Variants in ASB3 observed in about 807,000 individuals in gnomAD.
The protein encoded by ASB3 is ankyrin repeat and SOCS box containing 3, also known as ankyrin repeat and SOCS box protein 3.
A neutral mutation model predicts 54.5 loss-of-function variants in ASB3; 41 were observed. The ratio of observed to expected loss-of-function variants is 0.75; its 90% CI spans 0.59 to 0.98. The LOEUF is 0.98. Ranked by LOEUF, ASB3 falls within the 50% of genes least tolerant of loss-of-function variation. The pLI, the probability that ASB3 is intolerant of heterozygous loss-of-function variation, is 0.00. For synonymous variants in ASB3, 266 were observed against 221.2 expected, an observed-to-expected ratio of 1.20 and a Z score of -1.80; for missense variants, 733 against 620.0, an observed-to-expected ratio of 1.18 and a Z score of -1.94.
chr2:53,733,226 T>C (rs1671418400), intron 3 of ASB3, among the ~76,000 whole-genome samples: 1 of 152,176 alleles, frequency 6.6e-6, no homozygotes, highest in Non-Finnish European at 1.5e-5. Flanking sequence ...TATCTAGATG[T>C]AGAGAGAATG....
At chr2:53,693,060 A>G (rs768149354) in intron 9 of ASB3, among the ~76,000 whole-genome samples, 62 of 152,220 alleles carry the variant, frequency 4.1e-4, no homozygotes, top group Non-Finnish European at 7.5e-4. Context: ...CTACATATGA[A>G]TAAGTTCACT....
intron 1 of ASB3, among the ~76,000 whole-genome samples, chr2:53,766,363 C>A (rs191334940): frequency 1.2e-4 from 19 of 152,312 alleles, no homozygotes; most frequent in Admixed American, 9.2e-4. Flanking sequence ...GACACAATTT[C>A]TTGTTAGTGA....
intron 4 of ASB3, 43 bp downstream of exon 4, chr2:53,729,413 AAC>A (rs756430338): frequency 6.2e-7 from 1 of 1,602,108 alleles, no homozygotes; most frequent in South Asian, 1.1e-5. Context: ...AAGAGGGTAA[AAC>A]ACACAATTTA....
chr2:53,703,060 A>G lies in ASB3; in HGVS notation c.981-2532T>C, dbSNP rs534869377. 5.9e-5 allele frequency among the ~76,000 whole-genome samples: 9 copies of G among 152,360 alleles called. No individual in the cohort carries two copies. In the South Asian group the frequency reaches 1.9e-3, roughly 32 times the overall value. ...AATAACAATGATTAGTATCAACTAG[A>G]AAAACAGACAAAACCAGGTGAGCTA... On this transcript the variant is annotated intron_variant, in intron 7 of 9. Transcript: ENST00000263634.
intron 2 of ASB3, among the ~76,000 whole-genome samples, chr2:53,762,950 A>T (rs577627698): frequency 2.6e-5 from 4 of 152,074 alleles, no homozygotes; most frequent in African/African-American, 7.2e-5. Flanking sequence ...GTGAAGCAAA[A>T]CTCTTCTAAT....
chr2:53,686,677 C>T (rs1282939391), intron 9 of ASB3, among the ~76,000 whole-genome samples: 2 of 152,004 alleles, frequency 1.3e-5, no homozygotes, highest in African/African-American at 4.8e-5. Context: ...AAAAACACCT[C>T]TGTTTACTCT....
chr2:53,747,139 C>CTAATAA (rs1000000715), intron 3 of ASB3, among the ~76,000 whole-genome samples: 4 of 151,966 alleles, frequency 2.6e-5, no homozygotes, highest in African/African-American at 9.6e-5. Context: ...AAATGGGACT[C>CTAATAA]TAATAATAAT....
intron 9 of ASB3, among the ~76,000 whole-genome samples, chr2:53,685,915 T>A (rs1016162082): frequency 1.3e-5 from 2 of 152,210 alleles, no homozygotes; most frequent in African/African-American, 2.4e-5. Context: ...ACAAATGATC[T>A]GTTCTTAGAA....
intron 5 of ASB3, among the ~76,000 whole-genome samples, chr2:53,723,021 C>A (rs989128609): frequency 2.0e-5 from 3 of 152,022 alleles, no homozygotes; most frequent in Admixed American, 2.0e-4. Context: ...TGTATAAAAT[C>A]AGCAGCATTT....
intron 3 of ASB3, among the ~76,000 whole-genome samples, chr2:53,739,488 A>C (rs1450128808): frequency 6.6e-6 from 1 of 152,164 alleles, no homozygotes; most frequent in Non-Finnish European, 1.5e-5. Flanking sequence ...TTTTTAAGGG[A>C]CATTTTTTAA....
chr2:53,766,885 G>C (rs1436946869), intron 1 of ASB3, among the ~76,000 whole-genome samples: 1 of 151,934 alleles, frequency 6.6e-6, no homozygotes, highest in Non-Finnish European at 1.5e-5. Flanking sequence ...TAGCATTCAA[G>C]ATCATGGTAT....
intron 8 of ASB3, among the ~76,000 whole-genome samples, chr2:53,695,539 C>A (rs1230756398): frequency 6.6e-6 from 1 of 151,738 alleles, no homozygotes; most frequent in Non-Finnish European, 1.5e-5. Flanking sequence ...TTAGGTCTTA[C>A]TGTGACCAAA....
chr2:53,671,439 A>T (rs915459099), intron 9 of ASB3, among the ~76,000 whole-genome samples: 1 of 151,746 alleles, frequency 6.6e-6, no homozygotes, highest in African/African-American at 2.4e-5. Context: ...TACCAATTAA[A>T]GGACAATTCA....
chr2:53,774,779 T>C (rs1187970376), intron 1 of ASB3: 2 of 320,598 alleles, frequency 6.2e-6, no homozygotes, highest in Non-Finnish European at 1.1e-5. Flanking sequence ...AAAAATACAG[T>C]GAAGGACTCA....
intron 1 of ASB3, among the ~76,000 whole-genome samples, chr2:53,785,932 T>C (rs1674954506): frequency 6.6e-6 from 1 of 152,234 alleles, no homozygotes; most frequent in Admixed American, 6.5e-5. Flanking sequence ...ATAACAATTC[T>C]GAAGAAAGTT....
rs569601103 is a variant in ASB3 at position 53,767,817 on chromosome 2, A to C, written c.-13-2232T>G. 4.9e-5 allele frequency: 75 copies of C among 1,532,818 alleles called. 1 individual carries two copies. The South Asian group carries it at 8.7e-4, about 18-fold the overall frequency. The allele number at this position is 1,532,818 out of a possible 1,614,324, so 95.0% of individuals were successfully genotyped here. On this transcript the variant is annotated intron_variant, in intron 1 of 9. Transcript: ENST00000263634. ...GCGCGGCCGGTTACTCGCTTACCGG[A>C]GGCTTCAGTCCCCGGCGGCGCGGCG... is the stretch of plus-strand genomic sequence containing the variant.
At chr2:53,678,882 T>G (rs1668222587) in intron 9 of ASB3, among the ~76,000 whole-genome samples, 1 of 152,196 alleles carries the variant, frequency 6.6e-6, no homozygotes, top group African/African-American at 2.4e-5. Context: ...GGGGCAATGT[T>G]AGCATTCTTA....
intron 8 of ASB3, 125 bp from the exon 9 acceptor site, chr2:53,694,139 AT>A: frequency 9.1e-7 from 1 of 1,097,202 alleles, no homozygotes; most frequent in Non-Finnish European, 1.3e-6. Flanking sequence ...AAACCAGGGC[AT>A]GTTAAGTATT....
Position 53,714,387 on chromosome 2 carries a change from T to C in ASB3, c.977A>G (p.Lys326Arg). ...AAAACATAGCAAATATACATACTCCTTTTGGAAAGCCATGCACACAGGAGA... is the reference window on the plus strand; with the variant it reads ...AAAACATAGCAAATATACATACTCCCTTTGGAAAGCCATGCACACAGGAGA... Reference protein sequence around the residue: ...FSSPVCMAFQKDCEFFGIVNI... With the variant: ...FSSPVCMAFQRDCEFFGIVNI... The change falls in exon 7 of 10, where the codon AAG (lysine) becomes AGG (arginine). Residue 326 changes from lysine (K) to arginine (R), a missense_variant. Lys to Arg is a conservative substitution (Grantham distance 26). Transcript: ENST00000263634. The C allele has an allele frequency of 2.5e-6, 4 of 1,614,120 alleles. No homozygotes were observed. The highest frequency in any genetic ancestry group is 3.4e-6 in the Non-Finnish European group (4 of 1,179,992).
Sources: gnomAD v4.1 joint callset for allele counts (sites outside exome capture counted in the v4.1 genomes callset) on GRCh38, gnomAD v4.1.1 for gene constraint, MANE v1.5 for transcripts, NCBI Gene and HGNC (gene_info 2026-07-23, HGNC 2026-07-21) for gene names.